Variants in GLYR1 observed in about 807,000 individuals in gnomAD.
The protein encoded by GLYR1 is cytokine-like nuclear factor N-PAC.
Under a neutral mutation model 72.7 loss-of-function variants are expected in GLYR1, and 21 were observed. That is an observed-to-expected ratio of 0.29 (90% CI 0.20 to 0.42). GLYR1 has a LOEUF of 0.42. Among genes scored for constraint, GLYR1 ranks in the 10% least tolerant of loss-of-function variants. GLYR1 has a pLI of 1.00. For missense variants in GLYR1, 594 were observed against 712.1 expected, an observed-to-expected ratio of 0.83 and a Z score of 1.89; for synonymous variants, 392 against 270.2, an observed-to-expected ratio of 1.45 and a Z score of -4.42.
chr16:4,840,970 CTAAGT>C (rs2085504952), intron 3 of GLYR1, among the ~76,000 whole-genome samples: 1 of 152,230 alleles, frequency 6.6e-6, no homozygotes, highest in South Asian at 2.1e-4. Flanking sequence ...TTTCCTTTCT[CTAAGT>C]TAACTGCCTA....
intron 5 of GLYR1, among the ~76,000 whole-genome samples, chr16:4,824,911 A>G (rs1260636780): frequency 6.6e-6 from 1 of 151,818 alleles, no homozygotes; most frequent in Middle Eastern, 3.2e-3. Flanking sequence ...GTCTTAGAAA[A>G]CGCCTGCTCC....
At chr16:4,831,078 T>C (rs2084767518) in intron 5 of GLYR1, among the ~76,000 whole-genome samples, 1 of 152,194 alleles carries the variant, frequency 6.6e-6, no homozygotes, top group Non-Finnish European at 1.5e-5. Flanking sequence ...CCCAGTCCTC[T>C]ACTTTTAAGA....
At chr16:4,846,530 G>A (rs868701398) in intron 1 of GLYR1, 1 of 310,084 alleles carries the variant, frequency 3.2e-6, no homozygotes, top group Non-Finnish European at 6.4e-6. Context: ...CCTAAGTCTG[G>A]TTTAATTCAA....
At chr16:4,826,391 C>A (rs1021857882) in intron 5 of GLYR1, among the ~76,000 whole-genome samples, 2 of 152,148 alleles carry the variant, frequency 1.3e-5, no homozygotes, top group African/African-American at 4.8e-5. Flanking sequence ...TGGGAGTGAG[C>A]CACTGTGCCT....
Position 4,832,762 on chromosome 16 carries a change from T to C in GLYR1, c.294+12A>G, listed in dbSNP as rs779477238. ...TCTGGCATTGGTAGAAAGTGAACAT[T>C]GTGTCTCTCACCTGGTCTTTCCCTT... On this transcript the variant is annotated intron_variant, in intron 4 of 15. Transcript: ENST00000321919. 2 of 1,598,440 alleles carry C rather than the reference T, an allele frequency of 1.3e-6. No individual in the cohort carries two copies. Among genetic ancestry groups the C allele is most frequent in the Non-Finnish European group, 1.7e-6 (2 of 1,171,534 alleles).
At chr16:4,838,932 G>A (rs534014208) in intron 3 of GLYR1, among the ~76,000 whole-genome samples, 1 of 152,080 alleles carries the variant, frequency 6.6e-6, no homozygotes, top group Admixed American at 6.6e-5. Flanking sequence ...TGTCACCCAG[G>A]CTGGAATACA....
At chr16:4,818,282 CA>C (rs1450896529) in intron 9 of GLYR1, among the ~76,000 whole-genome samples, 1 of 151,728 alleles carries the variant, frequency 6.6e-6, no homozygotes, top group East Asian at 1.9e-4. Context: ...CGTGAGCCAC[CA>C]TGCCCGGCCT....
intron 3 of GLYR1, chr16:4,843,343 C>T (rs542684791): frequency 3.1e-5 from 13 of 422,770 alleles, no homozygotes; most frequent in East Asian, 1.1e-4. Flanking sequence ...TTTGTAGAGA[C>T]GGGGTTTTGC....
intron 15 of GLYR1, among the ~76,000 whole-genome samples, chr16:4,806,908 G>A (rs571147192): frequency 2.7e-5 from 4 of 146,186 alleles, no homozygotes; most frequent in Non-Finnish European, 4.5e-5. Flanking sequence ...CCGGGTTCAC[G>A]CCATTCTCCT....
At chr16:4,817,508 G>A (rs899845397) in intron 10 of GLYR1, 90 bp downstream of exon 10, 12 of 773,112 alleles carry the variant, frequency 1.6e-5, no homozygotes, top group Non-Finnish European at 2.3e-5. Context: ...TCTATTGCAC[G>A]CAGAACGCTG....
At chr16:4,810,785 CAAAAT>C (rs1216124016) in intron 15 of GLYR1, among the ~76,000 whole-genome samples, 1 of 134,010 alleles carries the variant, frequency 7.5e-6, no homozygotes, top group Non-Finnish European at 1.6e-5. Context: ...GACTCTGTCT[CAAAAT>C]AAAAGAAAAA....
Position 4,845,118 on chromosome 16 carries a change from G to A in GLYR1, c.111C>T (p.Arg37=), listed in dbSNP as rs534080949. 4.0e-5 allele frequency: 65 copies of A among 1,614,034 alleles called. No individual in the cohort carries two copies. Among genetic ancestry groups the A allele is most frequent in the East Asian group, 1.8e-4 (8 of 44,870 alleles). ...ATTTCACAAAGAAGCATTTCTTTCC[G>A]CGAGGTTTCTTCAAGTCCTTTGGTG... The part of the protein sequence containing the change: ...VNPPKDLKKP[R]GKKCFFVKFF... Residue 37 remains arginine (R), a synonymous_variant, in exon 3 of 16, where the codon CGC becomes CGT. Transcript: ENST00000321919.
intron 5 of GLYR1, among the ~76,000 whole-genome samples, chr16:4,827,742 C>A (rs2084487877): frequency 6.6e-6 from 1 of 151,894 alleles, no homozygotes; most frequent in Non-Finnish European, 1.5e-5. Context: ...CTACTAAAAA[C>A]ACAAAAAATT....
At chr16:4,843,385 C>T (rs531602466) in intron 3 of GLYR1, 1 of 880,918 alleles carries the variant, frequency 1.1e-6, no homozygotes, top group Non-Finnish European at 1.5e-6. Flanking sequence ...GAACTCATGA[C>T]CTCCAGTGAT....
intron 3 of GLYR1, among the ~76,000 whole-genome samples, chr16:4,842,122 T>C (rs1159199802): frequency 6.6e-6 from 1 of 152,034 alleles, no homozygotes; most frequent in Non-Finnish European, 1.5e-5. Flanking sequence ...TGTGCGCCTG[T>C]AGTCCCAGCT....
intron 3 of GLYR1, among the ~76,000 whole-genome samples, chr16:4,834,134 A>C (rs1249830541): frequency 6.6e-6 from 1 of 152,074 alleles, no homozygotes; most frequent in South Asian, 2.1e-4. Flanking sequence ...TAGTTGTGAT[A>C]ATGGGGTCTG....
At chr16:4,832,732 A>G (rs1170877197) in intron 4 of GLYR1, 42 bp downstream of exon 4, 1 of 1,563,702 alleles carries the variant, frequency 6.4e-7, no homozygotes, top group Non-Finnish European at 8.7e-7. Flanking sequence ...TGCAAAAATC[A>G]CCAGTCTGGC....
intron 5 of GLYR1, among the ~76,000 whole-genome samples, chr16:4,827,908 C>A (rs1415234509): frequency 6.6e-6 from 1 of 151,800 alleles, no homozygotes; most frequent in Non-Finnish European, 1.5e-5. Flanking sequence ...TCAAAAAAAA[C>A]AAACCAAAAA....
intron 3 of GLYR1, among the ~76,000 whole-genome samples, chr16:4,838,228 C>T (rs2085291127): frequency 6.6e-6 from 1 of 152,166 alleles, no homozygotes; most frequent in South Asian, 2.1e-4. Flanking sequence ...TGCTATGCTT[C>T]TAATTATTAA....
Sources: allele counts gnomAD v4.1 joint callset (sites outside exome capture counted in the v4.1 genomes callset), GRCh38; gene constraint gnomAD v4.1.1; transcripts MANE v1.5; gene names NCBI Gene and HGNC (gene_info 2026-07-23, HGNC 2026-07-21).